WDR86: variants seen among roughly 807,000 people sequenced by gnomAD.
WDR86 encodes the protein WD repeat domain 86.
Under a neutral mutation model 36.5 loss-of-function variants are expected in WDR86, and 30 were observed. The observed-to-expected ratio is 0.82, with a 90% CI of 0.61 to 1.11. WDR86 has a LOEUF of 1.11. Ranked by LOEUF, WDR86 falls within the 50% of genes most tolerant of loss-of-function variation. The probability of loss-of-function intolerance (pLI) is 0.00; values close to 1 mark genes in which losing one functional copy is unlikely to be tolerated. For synonymous variants in WDR86, 255 were observed against 252.9 expected (o/e 1.01, Z -0.08); for missense variants, 545 against 561.2 (o/e 0.97, Z 0.29).
chr7:151,398,295 TTGTG>T (rs201183830), intron 2 of WDR86, among the ~76,000 whole-genome samples: 1,880 of 152,188 alleles, frequency 0.012, 32 homozygotes, highest in African/African-American at 0.043. Context: ...CATATGTATG[TTGTG>T]TGTATGTGTG....
intron 1 of WDR86, among the ~76,000 whole-genome samples, chr7:151,404,379 T>G (rs1442264333): frequency 6.6e-6 from 1 of 152,146 alleles, no homozygotes; most frequent in East Asian, 1.9e-4. Context: ...TTCTAAGCAC[T>G]CACCCACATC....
In WDR86 at chr7:151,410,033, T is replaced by G. The variant is rs1475635400; in HGVS notation, c.-444A>C. On this transcript the variant is annotated 5_prime_UTR_variant, in exon 1 of 6. Transcript: ENST00000334493. ...CCCTCCCCGGCCGAGCGCGGAACAA[T>G]ACGGTCCAGCCTGGCTCCTCCTCAG... 1.0e-6 allele frequency: 1 copy of G among 989,172 alleles called. No individual in the cohort carries two copies. The highest frequency in any genetic ancestry group is 5.2e-4 in the Middle Eastern group (1 of 1,932). 61.3% of individuals were successfully genotyped at this position (989,172 alleles called of 1,614,324 possible).
chr7:151,369,576 CAATT>C, the WDR86 span, among the ~76,000 whole-genome samples: 3 of 152,150 alleles, frequency 2.0e-5, no homozygotes, highest in Non-Finnish European at 4.4e-5. Context: ...TCATTTGAAA[CAATT>C]AAGTACATTA....
In WDR86 at chr7:151,409,228, C is replaced by T. The variant is rs1450223236; in HGVS notation, c.163+199G>A. The stretch of plus-strand genomic sequence containing the variant: ...CCGCACCCTGCTCTGCACCCGCACC[C>T]CACCCCCAGACCTCACCCTGCCCTG... On this transcript the variant is annotated intron_variant, in intron 1 of 5. Transcript: ENST00000334493. The surrounding 1 kb of genome is among the most constrained non-coding windows in gnomAD (Gnocchi z 5.2). 6 of 919,278 alleles carry T rather than the reference C, an allele frequency of 6.5e-6. No homozygotes were observed. In the South Asian group the frequency reaches 8.1e-5, roughly 12 times the overall value. 56.9% of individuals were successfully genotyped at this position (919,278 alleles called of 1,614,324 possible).
chr7:151,395,998 G>T lies in WDR86; in HGVS notation c.504C>A (p.Thr168=), dbSNP rs1321604420. 1.9e-6 allele frequency: 3 copies of T among 1,600,472 alleles called. No homozygotes were observed. Among genetic ancestry groups the T allele is most frequent in the Non-Finnish European group, 2.6e-6 (3 of 1,174,826 alleles). Reference sequence around the variant, plus strand: ...CCTTGGCTGTGCCATCTGTGCTGCCGGTCACCAGAAGCCCCCCGGCCGCGG... The same window carrying T: ...CCTTGGCTGTGCCATCTGTGCTGCCTGTCACCAGAAGCCCCCCGGCCGCGG... ...EEAAAGGLLV[T]GSTDGTAKVW... Residue 168 remains threonine (T), a synonymous_variant, in exon 3 of 6, where the codon ACC becomes ACA. Transcript: ENST00000334493.
At chr7:151,380,694 C>T (rs1282446847), downstream of WDR86, among the ~76,000 whole-genome samples, 1 of 152,014 alleles carries the variant, frequency 6.6e-6, no homozygotes, top group Non-Finnish European at 1.5e-5. Flanking sequence ...CCCTTGGGTG[C>T]CCGGTGGCTC....
At chr7:151,407,786 A>G (rs1800827540) in intron 1 of WDR86, among the ~76,000 whole-genome samples, 1 of 152,154 alleles carries the variant, frequency 6.6e-6, no homozygotes, top group Non-Finnish European at 1.5e-5. Flanking sequence ...GGTTGCAGTG[A>G]GCCAAGATCG....
At chr7:151,383,156 T>A (rs1287363095) in intron 4 of WDR86, among the ~76,000 whole-genome samples, 112 of 102,442 alleles carry the variant, frequency 1.1e-3, no homozygotes, top group South Asian at 7.0e-3. Context: ...CAGCTAATTT[T>A]AAAAAAAACG....
intron 3 of WDR86, among the ~76,000 whole-genome samples, chr7:151,391,309 T>C (rs1033498114): frequency 2.6e-5 from 4 of 152,182 alleles, no homozygotes; most frequent in African/African-American, 4.8e-5. Context: ...TGCCCCTGAA[T>C]CTCTGTCAGG....
In WDR86 at chr7:151,385,226, G is replaced by A; in HGVS notation, c.727-3C>T. Reference sequence around the variant, plus strand: ...GAGTACACGAGTCGGTTCACCAGCTGCGAGGAGGAGCAGGGAAGGTCGGCA... The same window carrying A: ...GAGTACACGAGTCGGTTCACCAGCTACGAGGAGGAGCAGGGAAGGTCGGCA... On this transcript the variant is annotated splice_region_variant and splice_polypyrimidine_tract_variant and intron_variant, in intron 3 of 5. Coordinates refer to ENST00000334493, the MANE Select transcript of WDR86 (RefSeq NM_198285.3). 6.2e-7 allele frequency: 1 copy of A among 1,610,958 alleles called. No homozygotes were observed.
chr7:151,400,349 T>C lies in WDR86; in HGVS notation c.164-108A>G, dbSNP rs920443551. On this transcript the variant is annotated intron_variant, in intron 1 of 5. Coordinates refer to ENST00000334493, the MANE Select transcript of WDR86 (RefSeq NM_198285.3). ...GAAGAAAGCAGGATGTAGGGAGTGT[T>C]TGAGACAAGCTGGAGTCAATTAGCA... is the stretch of plus-strand genomic sequence containing the variant. 3.3e-6 allele frequency: 4 copies of C among 1,226,458 alleles called. No homozygotes were observed. In the African/African-American group the frequency reaches 4.7e-5, roughly 14 times the overall value. The allele number at this position is 1,226,458 out of a possible 1,614,324, so 76.0% of individuals were successfully genotyped here. A position where few individuals can be genotyped will look rare whatever the true frequency, so the allele number is the denominator to read the frequency against.
intron 3 of WDR86, among the ~76,000 whole-genome samples, chr7:151,395,488 G>A (rs1200031562): frequency 7.2e-6 from 1 of 138,644 alleles, no homozygotes; most frequent in Non-Finnish European, 1.6e-5. Flanking sequence ...TCTAAGAAGA[G>A]ATTAGGACAC....
At chr7:151,394,697 C>T (rs183968295) in intron 3 of WDR86, among the ~76,000 whole-genome samples, 3 of 152,370 alleles carry the variant, frequency 2.0e-5, no homozygotes, top group East Asian at 3.9e-4. Flanking sequence ...GCACTGTTCA[C>T]GCATCTTCCA....
intron 3 of WDR86, among the ~76,000 whole-genome samples, chr7:151,387,048 C>T (rs1799038115): frequency 6.6e-6 from 1 of 152,236 alleles, no homozygotes; most frequent in Non-Finnish European, 1.5e-5. Flanking sequence ...CGTTTCCTGG[C>T]CATCTCCCCA....
At chr7:151,382,430 C>T (rs1433898282) in intron 4 of WDR86, among the ~76,000 whole-genome samples, 2 of 152,210 alleles carry the variant, frequency 1.3e-5, no homozygotes, top group African/African-American at 4.8e-5. Context: ...CCCCGGGACC[C>T]CTAGCGGGGG....
chr7:151,380,737 G>A (rs998969339), downstream of WDR86, among the ~76,000 whole-genome samples: 6 of 152,054 alleles, frequency 3.9e-5, no homozygotes, highest in African/African-American at 1.4e-4. Context: ...AGCACCAGGC[G>A]CTGCCCTGGC....
rs970819205 is a variant in WDR86, at chr7:151,392,266, T to A, written c.726+3510A>T. Among the ~76,000 whole-genome samples the A allele has an allele frequency of 9.3e-5, 14 of 151,194 alleles. No homozygotes were observed. The South Asian group carries it at 1.0e-3, about 11-fold the overall frequency. ...CTTCTCTCTTGCCCACATGCCCCCA[T>A]CCAGCTGGCCAGCGAGGCCCTCTCC... is the stretch of plus-strand genomic sequence containing the variant. On this transcript the variant is annotated intron_variant, in intron 3 of 5. Coordinates refer to ENST00000334493, the MANE Select transcript of WDR86 (RefSeq NM_198285.3).
rs938817688 is a variant in WDR86 at position 151,381,856 on chromosome 7, C to A, written c.966+22G>T. ...CCTTCCCTCCCACGGGCGGCGGCCC[C>A]GAGAAGGGCAGAGGGACCTACCTGG... On this transcript the variant is annotated intron_variant, in intron 5 of 5. Coordinates refer to ENST00000334493, the MANE Select transcript of WDR86 (RefSeq NM_198285.3). This position sits in a 1 kb window ranked among gnomAD's most constrained non-coding sequence, Gnocchi z 4.8. 4.4e-6 allele frequency: 7 copies of A among 1,592,822 alleles called. No homozygotes were observed. Among genetic ancestry groups the A allele is most frequent in the Non-Finnish European group, 6.0e-6 (7 of 1,170,336 alleles).
rs1258984660 is a variant in WDR86 at position 151,409,405 on chromosome 7, G to T, written c.163+22C>A. On this transcript the variant is annotated intron_variant, in intron 1 of 5. Coordinates refer to ENST00000334493, the MANE Select transcript of WDR86 (RefSeq NM_198285.3). The surrounding 1 kb of genome is among the most constrained non-coding windows in gnomAD (Gnocchi z 5.2). ...CCGGTGAGCTGCGGCGAAGAGGTCAGGGAGGGAGTGGGAGGGTCTACCTTG... is the reference window on the plus strand; with the variant it reads ...CCGGTGAGCTGCGGCGAAGAGGTCATGGAGGGAGTGGGAGGGTCTACCTTG... 5.1e-6 allele frequency: 8 copies of T among 1,554,624 alleles called. No individual in the cohort carries two copies. The highest frequency in any genetic ancestry group is 4.8e-5 in the East Asian group (2 of 41,714).
Sources: allele counts gnomAD v4.1 joint callset (sites outside exome capture counted in the v4.1 genomes callset), GRCh38; gene constraint gnomAD v4.1.1; non-coding constraint Gnocchi (gnomAD v3.1); transcripts MANE v1.5; gene names NCBI Gene and HGNC (gene_info 2026-07-23, HGNC 2026-07-21).